NDUFAF2: variants seen among roughly 807,000 people sequenced by gnomAD.
NDUFAF2 encodes NADH:ubiquinone oxidoreductase complex assembly factor 2.
A neutral mutation model predicts 22.8 loss-of-function variants in NDUFAF2; 13 were observed. The observed-to-expected ratio is 0.57, with a 90% confidence interval of 0.37 to 0.91. NDUFAF2 has a LOEUF of 0.91. Ranked by LOEUF, NDUFAF2 falls within the 40% of genes least tolerant of loss-of-function variation. The pLI, the probability that NDUFAF2 is intolerant of heterozygous loss-of-function variation, is 0.01. For synonymous variants in NDUFAF2, 53 were observed against 64.2 expected (o/e 0.83, Z 0.84); for missense variants, 162 against 195.2 (o/e 0.83, Z 1.01).
At chr5:61,073,373 A>G (rs1008864035) in intron 2 of NDUFAF2, among the ~76,000 whole-genome samples, 159 bp downstream of exon 2, 1 of 152,190 alleles carries the variant, frequency 6.6e-6, no homozygotes, top group Non-Finnish European at 1.5e-5. Flanking sequence ...CATTTCTTTG[A>G]AAGTTGTGAA....
At chr5:61,075,233 A>G (rs1580123526) in intron 2 of NDUFAF2, among the ~76,000 whole-genome samples, 1 of 152,096 alleles carries the variant, frequency 6.6e-6, no homozygotes. Flanking sequence ...GATACCTTAC[A>G]TGTGGTAGCT....
chr5:60,955,194 T>A (rs1472430519), intron 1 of NDUFAF2, among the ~76,000 whole-genome samples: 1 of 152,208 alleles, frequency 6.6e-6, no homozygotes, highest in Non-Finnish European at 1.5e-5. Context: ...AGTTTTGTAG[T>A]TTAAGGACTT....
At chr5:60,964,771 T>C (rs1750733224) in intron 1 of NDUFAF2, among the ~76,000 whole-genome samples, 1 of 152,062 alleles carries the variant, frequency 6.6e-6, no homozygotes, top group African/African-American at 2.4e-5. Flanking sequence ...TGATTACCAT[T>C]ACCATGTTGT....
intron 1 of NDUFAF2, among the ~76,000 whole-genome samples, chr5:61,059,094 G>C (rs750335861): frequency 1.3e-4 from 20 of 152,014 alleles, no homozygotes; most frequent in Non-Finnish European, 2.8e-4. Context: ...AGTAATGGAA[G>C]GGAAGTAAAT....
intron 3 of NDUFAF2, among the ~76,000 whole-genome samples, chr5:61,108,108 C>G (rs1752791469): frequency 6.7e-6 from 1 of 149,010 alleles, no homozygotes; most frequent in South Asian, 2.1e-4. Flanking sequence ...CATTGTTGGA[C>G]ATTTGGGTTG....
intron 3 of NDUFAF2, among the ~76,000 whole-genome samples, chr5:61,143,132 A>G (rs568420769): frequency 6.6e-6 from 1 of 152,220 alleles, no homozygotes; most frequent in African/African-American, 2.4e-5. Context: ...TTTTATAATT[A>G]TATTGAGGAT....
intron 1 of NDUFAF2, among the ~76,000 whole-genome samples, chr5:61,064,168 A>G (rs1470404250): frequency 3.3e-5 from 5 of 152,146 alleles, no homozygotes; most frequent in African/African-American, 9.7e-5. Context: ...AGTTAATGAT[A>G]AAAGGGTCAA....
chr5:61,125,473 C>T (rs1037691276), intron 3 of NDUFAF2, among the ~76,000 whole-genome samples: 2 of 152,004 alleles, frequency 1.3e-5, no homozygotes, highest in Non-Finnish European at 2.9e-5. Context: ...AAATCTTTTG[C>T]ATCATTCACA....
At chr5:61,057,795 T>A (rs1752117279) in intron 1 of NDUFAF2, among the ~76,000 whole-genome samples, 1 of 152,204 alleles carries the variant, frequency 6.6e-6, no homozygotes, top group Admixed American at 6.5e-5. Flanking sequence ...ACTAGTGTAG[T>A]TCCTGTTAAC....
intron 3 of NDUFAF2, among the ~76,000 whole-genome samples, chr5:61,109,759 C>T (rs768096844): frequency 7.2e-5 from 11 of 152,182 alleles, no homozygotes; most frequent in Non-Finnish European, 1.6e-4. Flanking sequence ...GACACACACC[C>T]TCTCTTGCCT....
chr5:61,025,577 TA>T (rs1268060471), intron 1 of NDUFAF2, among the ~76,000 whole-genome samples: 1 of 152,024 alleles, frequency 6.6e-6, no homozygotes, highest in Admixed American at 6.6e-5. Flanking sequence ...GGTGAAAAAT[TA>T]ACTCTGTAAA....
intron 1 of NDUFAF2, among the ~76,000 whole-genome samples, chr5:61,040,277 C>CACACACAT (rs1416917294): frequency 3.3e-5 from 4 of 121,058 alleles, no homozygotes; most frequent in Non-Finnish European, 6.7e-5. Flanking sequence ...CACACACACA[C>CACACACAT]ACACACACAC....
At chr5:60,983,906 C>T (rs1751029100) in intron 1 of NDUFAF2, among the ~76,000 whole-genome samples, 1 of 151,994 alleles carries the variant, frequency 6.6e-6, no homozygotes, top group East Asian at 1.9e-4. Context: ...TCCATATGAA[C>T]TTTAAAGTAG....
chr5:61,079,884 TG>T (rs1396439808), intron 2 of NDUFAF2, among the ~76,000 whole-genome samples: 1 of 152,184 alleles, frequency 6.6e-6, no homozygotes, highest in Admixed American at 6.5e-5. Context: ...ATTCCCTCCC[TG>T]GGGCACAACC....
intron 1 of NDUFAF2, among the ~76,000 whole-genome samples, chr5:60,987,984 T>C (rs148281060): frequency 6.6e-6 from 1 of 152,306 alleles, no homozygotes; most frequent in African/African-American, 2.4e-5. Flanking sequence ...GAAGTCAGAC[T>C]ATCCGTTTGC....
intron 3 of NDUFAF2, among the ~76,000 whole-genome samples, chr5:61,107,665 C>CTATTATTATTAT (rs56936586): frequency 2.0e-5 from 3 of 148,758 alleles, no homozygotes; most frequent in South Asian, 4.2e-4. Flanking sequence ...ATTATGATTA[C>CTATTATTATTAT]TATTATTATT....
At chr5:60,973,648 G>A (rs1454720930) in intron 1 of NDUFAF2, among the ~76,000 whole-genome samples, 2 of 152,140 alleles carry the variant, frequency 1.3e-5, no homozygotes, top group Non-Finnish European at 2.9e-5. Context: ...GAGGCCTTGA[G>A]TATTTTTGTT....
At chr5:60,961,641 C>T (rs1465603574) in intron 1 of NDUFAF2, among the ~76,000 whole-genome samples, 1 of 147,840 alleles carries the variant, frequency 6.8e-6, no homozygotes, top group Non-Finnish European at 1.5e-5. Flanking sequence ...TGGCAAATGC[C>T]TGTAATTCCA....
At chr5:61,078,123 A>T (rs1212666262) in intron 2 of NDUFAF2, among the ~76,000 whole-genome samples, 2 of 151,826 alleles carry the variant, frequency 1.3e-5, no homozygotes, top group African/African-American at 4.8e-5. Context: ...TTTTTATCTC[A>T]CTTTGGACCT....
Sources: gnomAD v4.1 joint callset for allele counts (sites outside exome capture counted in the v4.1 genomes callset) on GRCh38, gnomAD v4.1.1 for gene constraint, MANE v1.5 for transcripts, NCBI Gene and HGNC (gene_info 2026-07-23, HGNC 2026-07-21) for gene names.